Variants in ANKRD44 observed in about 807,000 individuals in gnomAD.
ANKRD44 encodes serine/threonine-protein phosphatase 6 regulatory ankyrin repeat subunit B.
Under a neutral mutation model 116.0 loss-of-function variants are expected in ANKRD44, and 35 were observed. That is an observed-to-expected ratio of 0.30 (90% CI 0.23 to 0.40). The LOEUF is 0.40. ANKRD44 is among the 10% of genes least tolerant of loss of function. The pLI is 1.00. For synonymous variants in ANKRD44, 435 were observed against 461.8 expected (o/e 0.94, Z 0.74); for missense variants, 1,014 against 1,242.6 (o/e 0.82, Z 2.77).
rs2082999507 is a variant in ANKRD44 at position 197,274,006 on chromosome 2, T to TAG, written c.27+36571_27+36572insCT. ...ATATATATATATATATATATATATA[T>TAG]ATATATATATATATATATATATGAA... On this transcript the variant is annotated intron_variant, in intron 1 of 27. Transcript: ENST00000282272. Among the ~76,000 whole-genome samples, 4 of 78,014 alleles carry TAG rather than the reference T, an allele frequency of 5.1e-5. 1 individual carries two copies. Among genetic ancestry groups the TAG allele is most frequent in the African/African-American group, 1.3e-4 (2 of 15,900 alleles). The allele number at this position is 78,014 out of a possible 152,430, so 51.2% of individuals were successfully genotyped here.
At chr2:197,185,971 CA>C (rs1241492363) in intron 2 of ANKRD44, among the ~76,000 whole-genome samples, 1 of 152,130 alleles carries the variant, frequency 6.6e-6, no homozygotes, top group East Asian at 1.9e-4. Flanking sequence ...TGTTGCAGTG[CA>C]AAAGTAGCCA....
At chr2:197,177,464 A>C (rs1437235494) in intron 2 of ANKRD44, among the ~76,000 whole-genome samples, 1 of 152,148 alleles carries the variant, frequency 6.6e-6, no homozygotes, top group Non-Finnish European at 1.5e-5. Flanking sequence ...AGTAGTAAGT[A>C]CCACGCCACT....
intron 16 of ANKRD44, among the ~76,000 whole-genome samples, chr2:197,066,038 C>T (rs753103649): frequency 2.6e-4 from 39 of 152,178 alleles, no homozygotes; most frequent in East Asian, 1.9e-4. Flanking sequence ...TAAAAATCCT[C>T]AATAAAACAC....
intron 1 of ANKRD44, among the ~76,000 whole-genome samples, chr2:197,284,373 G>A (rs1420918153): frequency 6.6e-6 from 1 of 151,920 alleles, no homozygotes; most frequent in Non-Finnish European, 1.5e-5. Context: ...AACAATGGAG[G>A]CCTTTTCCCA....
chr2:197,098,236 T>G (rs1411282200), intron 10 of ANKRD44, among the ~76,000 whole-genome samples: 1 of 143,822 alleles, frequency 7.0e-6, no homozygotes, highest in Non-Finnish European at 1.5e-5. Context: ...ACCACTAGAC[T>G]GGGAGGTGTT....
chr2:197,278,404 T>C (rs1027569441), intron 1 of ANKRD44, among the ~76,000 whole-genome samples: 1 of 152,080 alleles, frequency 6.6e-6, no homozygotes, highest in Non-Finnish European at 1.5e-5. Context: ...TCGCCCAGGC[T>C]GGAGTGCAGT....
chr2:197,286,579 T>C (rs1661035463), intron 1 of ANKRD44, among the ~76,000 whole-genome samples: 2 of 152,050 alleles, frequency 1.3e-5, no homozygotes, highest in African/African-American at 4.8e-5. Flanking sequence ...GGTCTCGCTA[T>C]GTTGTCCAGG....
intron 27 of ANKRD44, chr2:196,990,784 T>C: frequency 8.1e-7 from 1 of 1,232,234 alleles, no homozygotes; most frequent in African/African-American, 1.5e-5. Flanking sequence ...AGGGTCGTCC[T>C]GCTCAAATTG....
At position 197,285,915 on chromosome 2, in the gene ANKRD44, CT is replaced by C. The variant is rs567700859; in HGVS notation, c.27+24662del. On this transcript the variant is annotated intron_variant, in intron 1 of 27. Coordinates refer to ENST00000282272, the MANE Select transcript of ANKRD44 (RefSeq NM_001195144.2). ...AGAATCAGGCCTTCCAGTTTGATTG[CT>C]AAGTGCCCAGTGGCAGTAATTCAAC... is the stretch of plus-strand genomic sequence containing the variant. Among the ~76,000 whole-genome samples the C allele has an allele frequency of 1.2e-3, 187 of 152,352 alleles. 2 individuals carry two copies. Among genetic ancestry groups the C allele is most frequent in the African/African-American group, 4.2e-3 (175 of 41,572 alleles).
intron 18 of ANKRD44, among the ~76,000 whole-genome samples, chr2:197,009,273 G>A (rs1451913183): frequency 6.6e-6 from 1 of 151,196 alleles, no homozygotes; most frequent in South Asian, 2.1e-4. Context: ...TGCATTTTTA[G>A]TAGAGACAGG....
intron 16 of ANKRD44, among the ~76,000 whole-genome samples, chr2:197,052,954 G>C (rs1275994768): frequency 6.6e-6 from 1 of 152,112 alleles, no homozygotes; most frequent in African/African-American, 2.4e-5. Flanking sequence ...CAGATCACCT[G>C]AGGTCAGGAG....
At chr2:197,238,723 T>G (rs2082026757) in intron 1 of ANKRD44, among the ~76,000 whole-genome samples, 1 of 151,852 alleles carries the variant, frequency 6.6e-6, no homozygotes, top group South Asian at 2.1e-4. Flanking sequence ...ATTTATTTTT[T>G]AGATGGAGTC....
intron 15 of ANKRD44, 149 bp downstream of exon 15, chr2:197,081,496 A>T: frequency 1.4e-6 from 1 of 694,920 alleles, no homozygotes; most frequent in Non-Finnish European, 2.6e-6. Flanking sequence ...TTAAAAGAAT[A>T]GTTTCTTCCC....
chr2:197,038,186 T>C (rs1000016250), intron 16 of ANKRD44, among the ~76,000 whole-genome samples: 19 of 152,098 alleles, frequency 1.2e-4, no homozygotes, highest in African/African-American at 3.9e-4. Context: ...TGTAGGTCCA[T>C]CACTTGTAAC....
chr2:197,229,805 C>G (rs2081812782), intron 1 of ANKRD44, among the ~76,000 whole-genome samples: 1 of 152,154 alleles, frequency 6.6e-6, no homozygotes, highest in African/African-American at 2.4e-5. Context: ...TGCAGTAGGG[C>G]TCCAGTGTCC....
intron 1 of ANKRD44, chr2:197,263,027 T>C: frequency 3.5e-6 from 1 of 284,720 alleles, no homozygotes. Context: ...GTGCTGTCTG[T>C]GAATAATAAT....
intron 16 of ANKRD44, among the ~76,000 whole-genome samples, chr2:197,072,742 G>T (rs972077647): frequency 6.6e-6 from 1 of 152,136 alleles, no homozygotes; most frequent in African/African-American, 2.4e-5. Context: ...TTAGAGCTCA[G>T]CATTAATTTT....
chr2:197,292,984 A>G (rs1409029146), intron 1 of ANKRD44, among the ~76,000 whole-genome samples: 1 of 152,214 alleles, frequency 6.6e-6, no homozygotes, highest in Non-Finnish European at 1.5e-5. Context: ...ATGACACACT[A>G]AGCCATCAGC....
At chr2:197,039,805 T>C (rs903696567) in intron 16 of ANKRD44, among the ~76,000 whole-genome samples, 2 of 151,760 alleles carry the variant, frequency 1.3e-5, no homozygotes, top group Non-Finnish European at 2.9e-5. Context: ...GTAGCATAAG[T>C]TTAGGATGCA....
Sources: allele counts gnomAD v4.1 joint callset (sites outside exome capture counted in the v4.1 genomes callset), GRCh38; gene constraint gnomAD v4.1.1; transcripts MANE v1.5; gene names NCBI Gene and HGNC (gene_info 2026-07-23, HGNC 2026-07-21).